The following EYS variants were observed in gnomAD, a reference collection of about 807,000 sequenced individuals.
The protein encoded by EYS is protein eyes shut homolog.
EYS carries 250 observed loss-of-function variants against 282.1 expected under a neutral mutation model. The observed-to-expected ratio is 0.89, with a 90% CI of 0.80 to 0.98. The LOEUF (loss-of-function observed/expected upper bound fraction) is 0.98, where lower values mean the gene tolerates loss of function less well. EYS is among the 50% of genes least tolerant of loss of function. The pLI is 0.00. For synonymous variants in EYS, 1,355 were observed against 1,282.9 expected (o/e 1.06, Z -1.20); for missense variants, 4,016 against 3,709.0 (o/e 1.08, Z -2.15).
intron 21 of EYS, among the ~76,000 whole-genome samples, chr6:64,818,750 C>G (rs966825644): frequency 3.4e-5 from 5 of 148,122 alleles, no homozygotes; most frequent in African/African-American, 1.0e-4. Flanking sequence ...TTTATTCTAG[C>G]TGAGCTGGCA....
intron 12 of EYS, among the ~76,000 whole-genome samples, chr6:65,183,804 GA>G (rs1765451053): frequency 6.6e-6 from 1 of 151,654 alleles, no homozygotes; most frequent in African/African-American, 2.4e-5. Flanking sequence ...AAAGGTTAGG[GA>G]AAAAAAGTGT....
intron 31 of EYS, among the ~76,000 whole-genome samples, chr6:64,093,797 T>C (rs1046130755): frequency 1.3e-5 from 2 of 152,182 alleles, no homozygotes; most frequent in Non-Finnish European, 2.9e-5. Context: ...CTATGTTGAA[T>C]AGGAGTGGCG....
In EYS at chr6:65,057,645, A is replaced by G. The variant is rs1233162035; in HGVS notation, c.2106T>C (p.Asn702=). 27 of 1,550,624 alleles carry G rather than the reference A, an allele frequency of 1.7e-5. No individual in the cohort carries two copies. Among genetic ancestry groups the G allele is most frequent in the Non-Finnish European group, 2.2e-5 (25 of 1,146,268 alleles). The change falls in exon 13 of 43, where the codon AAT becomes AAC. Residue 702 remains asparagine, a synonymous_variant. Coordinates refer to ENST00000503581, the MANE Select transcript of EYS (RefSeq NM_001142800.2). The part of the protein sequence containing the change: ...NGATCIDQPG[N]YFCQCVPPFK... ...ATGGAGGCACACACTGGCAGAAGTAATTACCAGGTTGGTCAATGCAGGTGG... is the reference window on the plus strand; with the variant it reads ...ATGGAGGCACACACTGGCAGAAGTAGTTACCAGGTTGGTCAATGCAGGTGG...
chr6:64,227,638 G>T (rs1003858524), intron 31 of EYS, among the ~76,000 whole-genome samples: 1 of 152,022 alleles, frequency 6.6e-6, no homozygotes, highest in Non-Finnish European at 1.5e-5. Flanking sequence ...TATTCTGAGG[G>T]TTAAGTGAAA....
intron 13 of EYS, among the ~76,000 whole-genome samples, chr6:65,045,202 T>C (rs1773065341): frequency 1.3e-5 from 2 of 151,904 alleles, no homozygotes; most frequent in South Asian, 4.1e-4. Flanking sequence ...TGTGCTCTCC[T>C]AAGTCCACAA....
chr6:65,587,216 G>C (rs1765082453), intron 2 of EYS, among the ~76,000 whole-genome samples: 1 of 151,930 alleles, frequency 6.6e-6, no homozygotes, highest in South Asian at 2.1e-4. Context: ...TAATCCTTTG[G>C]CTCAACTTAC....
At chr6:65,488,423 TG>T (rs1765895359) in intron 5 of EYS, among the ~76,000 whole-genome samples, 1 of 151,928 alleles carries the variant, frequency 6.6e-6, no homozygotes, top group African/African-American at 2.4e-5. Context: ...GCCTTCATTT[TG>T]TGAAGGACGT....
chr6:63,785,227 C>T lies in EYS; in HGVS notation c.7723+2878G>A, dbSNP rs548507188. Among the ~76,000 whole-genome samples, 63 of 152,314 alleles carry T rather than the reference C, an allele frequency of 4.1e-4. 1 individual carries two copies. In the South Asian group the frequency reaches 0.013, roughly 31 times the overall value. ...ATGTTTCACTTCAGTTATTCTGCTT[C>T]TATAGCTGCCTTTAGCACAATTAAC... On this transcript the variant is annotated intron_variant, in intron 39 of 42. Transcript: ENST00000503581.
chr6:64,160,936 T>C (rs1775087395), intron 31 of EYS, among the ~76,000 whole-genome samples: 2 of 152,184 alleles, frequency 1.3e-5, no homozygotes, highest in South Asian at 4.1e-4. Flanking sequence ...GAAGGGCACA[T>C]ACTAGTTTAC....
intron 15 of EYS, among the ~76,000 whole-genome samples, chr6:64,943,155 A>G (rs1260731410): frequency 6.6e-6 from 1 of 152,084 alleles, no homozygotes; most frequent in African/African-American, 2.4e-5. Context: ...TATGAAATTC[A>G]ACATCATGCT....
intron 1 of EYS, among the ~76,000 whole-genome samples, chr6:65,687,799 C>G (rs572151834): frequency 0.011 from 1,620 of 152,058 alleles, 14 homozygotes; most frequent in Non-Finnish European, 0.016. Context: ...CAGACAAACG[C>G]AGAGCCAAAT....
intron 19 of EYS, among the ~76,000 whole-genome samples, chr6:64,834,012 A>AT (rs1242808102): frequency 6.6e-6 from 1 of 151,854 alleles, no homozygotes; most frequent in South Asian, 2.1e-4. Context: ...AAATTTAAGG[A>AT]TTTTGTTTAT....
intron 31 of EYS, among the ~76,000 whole-genome samples, chr6:64,178,241 C>CT (rs1462186830): frequency 6.6e-6 from 1 of 151,962 alleles, no homozygotes; most frequent in Non-Finnish European, 1.5e-5. Context: ...AAGAAGTGAA[C>CT]TGGAAAATAA....
intron 1 of EYS, among the ~76,000 whole-genome samples, chr6:65,704,798 G>A (rs1341980152): frequency 6.6e-6 from 1 of 152,128 alleles, no homozygotes; most frequent in African/African-American, 2.4e-5. Flanking sequence ...ACCTTACACA[G>A]CAGTGATGCA....
At chr6:64,546,520 T>C (rs1764874569) in intron 26 of EYS, among the ~76,000 whole-genome samples, 1 of 152,110 alleles carries the variant, frequency 6.6e-6, no homozygotes, top group Admixed American at 6.5e-5. Flanking sequence ...AATTGACAAA[T>C]GGGATCTAAT....
chr6:64,551,131 C>T (rs934807795), intron 26 of EYS, among the ~76,000 whole-genome samples: 1 of 145,434 alleles, frequency 6.9e-6, no homozygotes, highest in Admixed American at 7.0e-5. Flanking sequence ...TATACACACA[C>T]ATATATACAC....
chr6:64,402,428 T>C (rs1773563025), intron 28 of EYS, among the ~76,000 whole-genome samples: 1 of 152,178 alleles, frequency 6.6e-6, no homozygotes, highest in African/African-American at 2.4e-5. Context: ...AAAACTGTGT[T>C]CCTAGAAATG....
chr6:64,158,777 T>C (rs1309973766), intron 31 of EYS, among the ~76,000 whole-genome samples: 1 of 150,012 alleles, frequency 6.7e-6, no homozygotes, highest in Non-Finnish European at 1.5e-5. Flanking sequence ...TTGAGGATAT[T>C]AATACTCGCT....
intron 22 of EYS, among the ~76,000 whole-genome samples, chr6:64,765,218 A>T (rs551475365): frequency 2.0e-5 from 3 of 152,288 alleles, no homozygotes; most frequent in African/African-American, 7.2e-5. Context: ...GCAGGGGAAA[A>T]ATGGCATCAG....
Sources: allele counts gnomAD v4.1 joint callset (sites outside exome capture counted in the v4.1 genomes callset), GRCh38; gene constraint gnomAD v4.1.1; transcripts MANE v1.5; gene names NCBI Gene and HGNC (gene_info 2026-07-23, HGNC 2026-07-21).